Variants in PRKD1 observed in about 807,000 individuals in gnomAD.
The protein encoded by PRKD1 is protein kinase D1, also known as serine/threonine-protein kinase D1.
A neutral mutation model predicts 95.9 loss-of-function variants in PRKD1; 63 were observed. The observed-to-expected ratio is 0.66, with a 90% CI of 0.54 to 0.81. The LOEUF is 0.81. Ranked by LOEUF, PRKD1 falls within the 30% of genes least tolerant of loss-of-function variation. The pLI is 0.00. For synonymous variants in PRKD1, 425 were observed against 423.1 expected, an observed-to-expected ratio of 1.00 and a Z score of -0.05; for missense variants, 1,048 against 1,165.3, an observed-to-expected ratio of 0.90 and a Z score of 1.47.
intron 2 of PRKD1, among the ~76,000 whole-genome samples, chr14:29,694,856 A>G (rs184158682): frequency 6.6e-6 from 1 of 152,312 alleles, no homozygotes; most frequent in Admixed American, 6.5e-5. Context: ...ACAAAGACCA[A>G]GAAGTGGGAG....
intron 1 of PRKD1, among the ~76,000 whole-genome samples, chr14:29,783,933 T>A (rs1244954861): frequency 2.0e-5 from 3 of 152,212 alleles, no homozygotes; most frequent in African/African-American, 7.2e-5. Flanking sequence ...ATTCTACAGG[T>A]CATCTACTCA....
chr14:29,589,465 A>G (rs1334296363), intron 16 of PRKD1, among the ~76,000 whole-genome samples: 1 of 152,202 alleles, frequency 6.6e-6, no homozygotes, highest in African/African-American at 2.4e-5. Context: ...GGAATGTAGG[A>G]AGACAGAATT....
intron 1 of PRKD1, among the ~76,000 whole-genome samples, chr14:29,874,830 T>C (rs990821294): frequency 6.6e-6 from 1 of 152,126 alleles, no homozygotes; most frequent in Non-Finnish European, 1.5e-5. Flanking sequence ...ATAGATCAGA[T>C]GCTGGGAAGG....
intron 4 of PRKD1, among the ~76,000 whole-genome samples, chr14:29,646,563 AGATAGAT>A (rs1206149026): frequency 1.3e-5 from 2 of 151,644 alleles, no homozygotes; most frequent in Non-Finnish European, 2.9e-5. Flanking sequence ...ATAGATAGAT[AGATAGAT>A]AAATTTTTTT....
chr14:29,853,396 C>G (rs900724591), intron 1 of PRKD1, among the ~76,000 whole-genome samples: 2 of 152,138 alleles, frequency 1.3e-5, no homozygotes, highest in Admixed American at 1.3e-4. Context: ...AACCAGGAAA[C>G]TAAAGCCCAC....
At chr14:29,745,775 C>A (rs1305669555) in intron 1 of PRKD1, among the ~76,000 whole-genome samples, 2 of 152,066 alleles carry the variant, frequency 1.3e-5, no homozygotes, top group African/African-American at 2.4e-5. Context: ...CTGCACCCAG[C>A]CCATTTTTTA....
At chr14:29,667,736 G>A (rs1028799330) in intron 2 of PRKD1, among the ~76,000 whole-genome samples, 1 of 152,004 alleles carries the variant, frequency 6.6e-6, no homozygotes, top group African/African-American at 2.4e-5. Context: ...CACCCCTCCA[G>A]ACCAAACAAC....
At chr14:29,770,107 C>G (rs563775534) in intron 1 of PRKD1, among the ~76,000 whole-genome samples, 2 of 152,180 alleles carry the variant, frequency 1.3e-5, no homozygotes, top group African/African-American at 4.8e-5. Flanking sequence ...AGAGAACAAG[C>G]CTTCACCACA....
intron 1 of PRKD1, among the ~76,000 whole-genome samples, chr14:29,914,050 C>T (rs1894808685): frequency 6.6e-6 from 1 of 152,208 alleles, no homozygotes; most frequent in Admixed American, 6.5e-5. Context: ...TTACTGTATG[C>T]TATGCAGTAC....
At chr14:29,792,038 G>T (rs1889570786) in intron 1 of PRKD1, among the ~76,000 whole-genome samples, 1 of 151,952 alleles carries the variant, frequency 6.6e-6, no homozygotes, top group Non-Finnish European at 1.5e-5. Flanking sequence ...CTATTTTTCA[G>T]GTGTACTTAA....
At chr14:29,715,787 C>T (rs938350909) in intron 2 of PRKD1, among the ~76,000 whole-genome samples, 1 of 152,148 alleles carries the variant, frequency 6.6e-6, no homozygotes, top group Non-Finnish European at 1.5e-5. Context: ...TCATCCATTT[C>T]ATTATATCCT....
At chr14:29,588,364 G>T (rs979693108) in intron 16 of PRKD1, among the ~76,000 whole-genome samples, 2 of 152,090 alleles carry the variant, frequency 1.3e-5, no homozygotes, top group Non-Finnish European at 2.9e-5. Context: ...ATTTAGCTTT[G>T]CTTTGTGTTT....
Position 29,597,654 on chromosome 14 carries a change from GT to G in PRKD1, c.2270del (p.Asn757ThrfsTer8). ...PAYLAPEVLR[N>X]KGYNRSLDMW... ...TGTCTAGAGAGCGATTGTAGCCCTTGTTCCTTAGGACCTCAGGAGCCAGGTA... is the reference window on the plus strand; with the variant it reads ...TGTCTAGAGAGCGATTGTAGCCCTTGTCCTTAGGACCTCAGGAGCCAGGTA... On this transcript the variant is annotated frameshift_variant, in exon 16 of 18. Coordinates refer to ENST00000331968, the MANE Select transcript of PRKD1 (RefSeq NM_002742.3). LOFTEE classifies it high-confidence loss of function. 6.2e-7 allele frequency: 1 copy of G among 1,614,038 alleles called. No individual in the cohort carries two copies. Among genetic ancestry groups the G allele is most frequent in the Non-Finnish European group, 8.5e-7 (1 of 1,179,966 alleles).
intron 1 of PRKD1, among the ~76,000 whole-genome samples, chr14:29,736,150 G>C (rs762949343): frequency 6.6e-6 from 1 of 152,194 alleles, no homozygotes; most frequent in Non-Finnish European, 1.5e-5. Flanking sequence ...ACATGTGAAC[G>C]TGGAGACCTA....
At chr14:29,919,441 T>C (rs1895005950) in intron 1 of PRKD1, among the ~76,000 whole-genome samples, 1 of 151,578 alleles carries the variant, frequency 6.6e-6, no homozygotes. Context: ...TCTGTTTTTC[T>C]AGATGAGACC....
At chr14:29,678,741 T>G (rs906455260) in intron 2 of PRKD1, among the ~76,000 whole-genome samples, 3 of 152,226 alleles carry the variant, frequency 2.0e-5, no homozygotes, top group African/African-American at 7.2e-5. Flanking sequence ...ATTTCAATAC[T>G]TAACTAAATT....
intron 7 of PRKD1, among the ~76,000 whole-genome samples, chr14:29,635,944 A>T (rs1464054028): frequency 1.3e-5 from 2 of 152,124 alleles, no homozygotes; most frequent in Non-Finnish European, 2.9e-5. Flanking sequence ...ATTTCTGCTG[A>T]GTTTGATCTT....
At position 29,674,231 on chromosome 14, in the gene PRKD1, A is replaced by C. The variant is rs190742032; in HGVS notation, c.404-8023T>G. Among the ~76,000 whole-genome samples, 8 of 152,230 alleles carry C rather than the reference A, an allele frequency of 5.3e-5. No individual in the cohort carries two copies. The East Asian group carries it at 1.5e-3, about 29-fold the overall frequency. ...CTGTTGCCAATTCAGGGCCCTTAAA[A>C]ACTAAGGGCTATAAAAACTAGTATT... On this transcript the variant is annotated intron_variant, in intron 2 of 17. Coordinates refer to ENST00000331968, the MANE Select transcript of PRKD1 (RefSeq NM_002742.3).
At chr14:29,927,011 A>C (rs891856398) in intron 1 of PRKD1, among the ~76,000 whole-genome samples, 1 of 151,980 alleles carries the variant, frequency 6.6e-6, no homozygotes, top group Admixed American at 6.5e-5. Flanking sequence ...GAGGCGGCGG[A>C]CTGGAGAGAA....
Sources: gnomAD v4.1 joint callset for allele counts (sites outside exome capture counted in the v4.1 genomes callset) on GRCh38, gnomAD v4.1.1 for gene constraint, MANE v1.5 for transcripts, NCBI Gene and HGNC (gene_info 2026-07-23, HGNC 2026-07-21) for gene names.